AHRR: variants seen among roughly 807,000 people sequenced by gnomAD.
The protein encoded by AHRR is aryl hydrocarbon receptor repressor, also known as ahR repressor.
AHRR carries 28 observed loss-of-function variants against 44.0 expected under a neutral mutation model. That is an observed-to-expected ratio of 0.64 (90% CI 0.47 to 0.87). The LOEUF (loss-of-function observed/expected upper bound fraction) is 0.87. Among genes scored for constraint, AHRR ranks in the 40% least tolerant of loss-of-function variants. The pLI, the probability that AHRR is intolerant of heterozygous loss-of-function variation, is 0.00. For synonymous variants in AHRR, 434 were observed against 407.0 expected, an observed-to-expected ratio of 1.07 and a Z score of -0.80; for missense variants, 990 against 953.9, an observed-to-expected ratio of 1.04 and a Z score of -0.50.
Position 395,959 on chromosome 5 carries a change from G to T in AHRR, c.352-17385G>T, listed in dbSNP as rs900515559. On this transcript the variant is annotated intron_variant, in intron 4 of 10. Transcript: ENST00000684583. This position sits in a 1 kb window ranked among gnomAD's most constrained non-coding sequence, Gnocchi z 5.3. ...TACGAGGATTAGGAGGCCATGGGTC[G>T]TCCAGAAACTCAGGCCAGAAGCGAA... 7.9e-5 allele frequency among the ~76,000 whole-genome samples: 12 copies of T among 152,290 alleles called. No individual in the cohort carries two copies. Among genetic ancestry groups the T allele is most frequent in the African/African-American group, 2.6e-4 (11 of 41,564 alleles).
chr5:337,523 C>T lies in AHRR; in HGVS notation c.-10-6370C>T, dbSNP rs141512598. Among the ~76,000 whole-genome samples, 3 of 152,336 alleles carry T rather than the reference C, an allele frequency of 2.0e-5. No homozygotes were observed. The East Asian group carries it at 5.8e-4, about 29-fold the overall frequency. ...TCTCCTGAGTAGCTGAGACTACAGA[C>T]ATGCGCCACCATGCTTGGCTAATTT... On this transcript the variant is annotated intron_variant, in intron 1 of 10. Coordinates refer to ENST00000684583, the MANE Select transcript of AHRR (RefSeq NM_001377236.1). This position sits in a 1 kb window ranked among gnomAD's most constrained non-coding sequence, Gnocchi z 4.1.
chr5:340,779 C>T (rs1157068445), intron 1 of AHRR, among the ~76,000 whole-genome samples: 1 of 138,426 alleles, frequency 7.2e-6, no homozygotes, highest in Non-Finnish European at 1.5e-5. Flanking sequence ...TCACTGCAAC[C>T]TCTGCCTCCC....
rs140186683 is a variant in AHRR at position 353,790 on chromosome 5, C to T, written c.123C>T (p.Asn41=). The change falls in exon 3 of 11, where the codon AAC becomes AAT. Residue 41 remains asparagine, a synonymous_variant. Transcript: ENST00000684583. The part of the protein sequence containing the change: ...NPSKRHRDRL[N]AELDHLASLL... The stretch of plus-strand genomic sequence containing the variant: ...CCAAGCGACACCGGGACCGCCTCAA[C>T]GCCGAGTTGGACCACCTGGCCAGCC... 9.5e-5 allele frequency: 154 copies of T among 1,613,844 alleles called. No homozygotes were observed. The African/African-American group carries it at 1.6e-3, about 17-fold the overall frequency.
chr5:373,666 C>A (rs1299671773), intron 3 of AHRR, among the ~76,000 whole-genome samples: 1 of 152,008 alleles, frequency 6.6e-6, no homozygotes, highest in Non-Finnish European at 1.5e-5. Context: ...GGGGCTCCCT[C>A]CCGGGGCGGA....
In AHRR at chr5:385,652, CT is replaced by C. The variant is rs200153320; in HGVS notation, c.351+8939del. 5.1e-3 allele frequency among the ~76,000 whole-genome samples: 775 copies of C among 152,196 alleles called. 7 individuals are homozygous for C. The highest frequency in any genetic ancestry group is 0.018 in the African/African-American group (740 of 41,528). On this transcript the variant is annotated intron_variant, in intron 4 of 10. Transcript: ENST00000684583. ...TTATGTGTCATTTTTCTCTGGTTAC[CT>C]TTATGACTATTTCTTTATCTTTAAT... is the stretch of plus-strand genomic sequence containing the variant.
intron 8 of AHRR, among the ~76,000 whole-genome samples, chr5:430,699 G>A (rs998288015): frequency 3.2e-4 from 48 of 152,276 alleles, no homozygotes; most frequent in Admixed American, 8.5e-4. Context: ...TGGTTTCCAC[G>A]TTCGTTACTC....
At chr5:352,803 G>A (rs1468390127) in intron 2 of AHRR, among the ~76,000 whole-genome samples, 1 of 151,428 alleles carries the variant, frequency 6.6e-6, no homozygotes, top group African/African-American at 2.4e-5. Context: ...CGTAGGGGAT[G>A]GTCACTCTGA....
At position 434,180 on chromosome 5, in the gene AHRR, C is replaced by T; in HGVS notation, c.1440C>T (p.Leu480=). The T allele has an allele frequency of 1.3e-6, 2 of 1,596,778 alleles. No homozygotes were observed. Among genetic ancestry groups the T allele is most frequent in the Non-Finnish European group, 1.7e-6 (2 of 1,171,780 alleles). Residue 480 remains leucine, a synonymous_variant, in exon 11 of 11, where the codon CTC becomes CTT. Transcript: ENST00000684583. ...DVGEDQVHPP[L]CHFPQRSLQH... is the part of the protein sequence containing the mutation. ...GTGAGGACCAGGTGCACCCTCCCCTCTGCCACTTTCCCCAGAGGAGCCTGC... is the reference window on the plus strand; with the variant it reads ...GTGAGGACCAGGTGCACCCTCCCCTTTGCCACTTTCCCCAGAGGAGCCTGC...
chr5:420,750 C>G (rs990204146), intron 5 of AHRR, among the ~76,000 whole-genome samples: 1 of 151,798 alleles, frequency 6.6e-6, no homozygotes, highest in Admixed American at 6.6e-5. Context: ...GGCAGCTGGA[C>G]GGCTCAGTGG....
chr5:389,164 C>T (rs182291566), intron 4 of AHRR, among the ~76,000 whole-genome samples: 969 of 29,172 alleles, frequency 0.033, 8 homozygotes, highest in African/African-American at 0.097. Flanking sequence ...GAGGGGAGCC[C>T]GGGGGCCCAG....
At chr5:368,987 C>T (rs931784790) in intron 3 of AHRR, among the ~76,000 whole-genome samples, 3 of 152,176 alleles carry the variant, frequency 2.0e-5, no homozygotes, top group Non-Finnish European at 2.9e-5. Flanking sequence ...TTGTAAATAT[C>T]GTGTCTGTGA....
chr5:344,779 GCGGGTGTGCGAGGCTGTGTGAGAC>G (rs1402941002), intron 2 of AHRR, among the ~76,000 whole-genome samples: 7 of 129,874 alleles, frequency 5.4e-5, no homozygotes, highest in Non-Finnish European at 6.3e-5. Flanking sequence ...GTGTGACTGT[GCGGGTGTGCGAGGCTGTGTGAGAC>G]TGTGTGTGCG....
chr5:432,358 ACAGC>A (rs912150510), intron 8 of AHRR, 101 bp from the exon 9 acceptor site: 7 of 1,101,472 alleles, frequency 6.4e-6, no homozygotes, highest in Non-Finnish European at 9.7e-6. Context: ...CTCAGGTGTG[ACAGC>A]AATACCTGTC....
chr5:422,541 A>C, intron 5 of AHRR, 188 bp from the exon 6 acceptor site: 1 of 726,094 alleles, frequency 1.4e-6, no homozygotes, highest in Non-Finnish European at 2.3e-6. Context: ...GCTCCAGGCA[A>C]CTTAGACATC....
At chr5:334,166 T>C (rs763435693) in intron 1 of AHRR, among the ~76,000 whole-genome samples, 38 of 152,222 alleles carry the variant, frequency 2.5e-4, no homozygotes, top group Non-Finnish European at 5.3e-4. Flanking sequence ...ACTTTGACTT[T>C]GGACTGATTC....
Position 434,957 on chromosome 5 carries a change from A to G in AHRR, c.*123A>G. On this transcript the variant is annotated 3_prime_UTR_variant, in exon 11 of 11. Transcript: ENST00000684583. ...AGACACACGCTTTGCAGAGCTGTGC[A>G]TGCGCAGTCTGCTAGTGTGTGTGTG... is the stretch of plus-strand genomic sequence containing the variant. The G allele has an allele frequency of 7.5e-7, 1 of 1,329,360 alleles. No individual in the cohort carries two copies. Among genetic ancestry groups the G allele is most frequent in the Non-Finnish European group, 1.0e-6 (1 of 995,946 alleles). The allele number at this position is 1,329,360 out of a possible 1,614,324, so 82.3% of individuals were successfully genotyped here.
At chr5:373,261 C>T (rs1038411629) in intron 3 of AHRR, among the ~76,000 whole-genome samples, 5 of 152,258 alleles carry the variant, frequency 3.3e-5, no homozygotes, top group Non-Finnish European at 7.3e-5. Flanking sequence ...CTGCCCTGCA[C>T]CCGGCTGGGT....
chr5:389,303 C>T (rs1315785901), intron 4 of AHRR, among the ~76,000 whole-genome samples: 1 of 152,166 alleles, frequency 6.6e-6, no homozygotes, highest in African/African-American at 2.4e-5. Flanking sequence ...AACCAGGCAG[C>T]ATCCACAGTG....
At chr5:433,716 A>G (rs1736848328) in intron 10 of AHRR, 137 bp from the exon 11 acceptor site, 1 of 1,040,826 alleles carries the variant, frequency 9.6e-7, no homozygotes, top group African/African-American at 1.7e-5. Context: ...GGCACAGCGC[A>G]GTGAGGGGTC....
Sources: gnomAD v4.1 joint callset for allele counts (sites outside exome capture counted in the v4.1 genomes callset) on GRCh38, gnomAD v4.1.1 for gene constraint, Gnocchi (gnomAD v3.1) non-coding constraint, MANE v1.5 for transcripts, NCBI Gene and HGNC (gene_info 2026-07-23, HGNC 2026-07-21) for gene names.